The following NUFIP1 variants were observed in gnomAD, a reference collection of about 807,000 sequenced individuals.
NUFIP1 encodes the protein nuclear FMR1 interacting protein 1, also known as FMR1-interacting protein NUFIP1.
In NUFIP1, 38 loss-of-function variants were observed where a neutral mutation model predicts 56.2. The ratio of observed to expected loss-of-function variants is 0.68; its 90% CI spans 0.52 to 0.89. The LOEUF is 0.89. Ranked by LOEUF, NUFIP1 falls within the 40% of genes least tolerant of loss-of-function variation. The pLI, the probability that NUFIP1 is intolerant of heterozygous loss-of-function variation, is 0.00. For synonymous variants in NUFIP1, 215 were observed against 212.4 expected (o/e 1.01, Z -0.10); for missense variants, 567 against 605.8 (o/e 0.94, Z 0.67).
chr13:44,974,325 G>A (rs1002611136), intron 5 of NUFIP1, among the ~76,000 whole-genome samples: 2 of 152,178 alleles, frequency 1.3e-5, no homozygotes, highest in Non-Finnish European at 1.5e-5. Flanking sequence ...CTGAGATATC[G>A]ACAAGAGCAG....
chr13:44,945,773 C>A (rs1870884520), intron 8 of NUFIP1, among the ~76,000 whole-genome samples: 1 of 152,006 alleles, frequency 6.6e-6, no homozygotes, highest in Non-Finnish European at 1.5e-5. Flanking sequence ...TCTCCCCACT[C>A]CCCAATAGTT....
intron 7 of NUFIP1, among the ~76,000 whole-genome samples, chr13:44,951,707 G>GT (rs1871089068): frequency 6.6e-6 from 1 of 152,198 alleles, no homozygotes; most frequent in African/African-American, 2.4e-5. Flanking sequence ...TGGCAATAAA[G>GT]TAAGTCACAC....
At chr13:44,952,307 T>C (rs375377895) in intron 7 of NUFIP1, among the ~76,000 whole-genome samples, 1 of 152,176 alleles carries the variant, frequency 6.6e-6, no homozygotes, top group African/African-American at 2.4e-5. Context: ...GTATTTTTAG[T>C]AGAGACGGAG....
chr13:44,954,591 T>C (rs949460952), intron 7 of NUFIP1, among the ~76,000 whole-genome samples: 9 of 152,220 alleles, frequency 5.9e-5, no homozygotes, highest in African/African-American at 1.9e-4. Flanking sequence ...CTGTAACTTA[T>C]TTCTTTACTT....
At position 44,983,489 on chromosome 13, in the gene NUFIP1, TAAA is replaced by T. The variant is rs1157611321; in HGVS notation, c.413-1338_413-1336del. ...ACCGCACCCAGCCCCCCGTCTCAAA[TAAA>T]AAAAAAAAAAAAGTTGAGGGAGGGG... On this transcript the variant is annotated intron_variant, in intron 1 of 9. Transcript: ENST00000379161. Among the ~76,000 whole-genome samples, 3 of 112,086 alleles carry T rather than the reference TAAA, an allele frequency of 2.7e-5. No homozygotes were observed. The South Asian group carries it at 8.9e-4, about 33-fold the overall frequency. The allele number at this position is 112,086 out of a possible 152,430, so 73.5% of individuals were successfully genotyped here.
intron 5 of NUFIP1, among the ~76,000 whole-genome samples, chr13:44,966,445 G>A (rs1871604942): frequency 6.6e-6 from 1 of 152,002 alleles, no homozygotes; most frequent in Non-Finnish European, 1.5e-5. Context: ...CTCCCAAGTA[G>A]CTGGGATTAC....
Position 44,939,434 on chromosome 13 carries a change from CAAT to C in NUFIP1, c.*1769_*1771del. 6.6e-6 allele frequency: 1 copy of C among 152,122 alleles called. No individual in the cohort carries two copies. The highest frequency in any genetic ancestry group is 1.9e-4 in the East Asian group (1 of 5,184). 9.4% of individuals were successfully genotyped at this position (152,122 alleles called of 1,614,324 possible). On this transcript the variant is annotated 3_prime_UTR_variant, in exon 10 of 10. Coordinates refer to ENST00000379161, the MANE Select transcript of NUFIP1 (RefSeq NM_012345.3). Reference sequence around the variant, plus strand: ...ACATTTCAGAAACTGATTAAACGAACAATAAGATAGGAATGTAGAAGGCAGAAA... The same window carrying C: ...ACATTTCAGAAACTGATTAAACGAACAAGATAGGAATGTAGAAGGCAGAAA...
At chr13:44,976,491 G>C (rs1871986763) in intron 5 of NUFIP1, among the ~76,000 whole-genome samples, 1 of 151,974 alleles carries the variant, frequency 6.6e-6, no homozygotes, top group Admixed American at 6.6e-5. Context: ...ACAAGAGGAG[G>C]AGGAAGAAGA....
At chr13:44,962,342 C>A (rs1373268697) in intron 6 of NUFIP1, among the ~76,000 whole-genome samples, 1 of 152,140 alleles carries the variant, frequency 6.6e-6, no homozygotes, top group Non-Finnish European at 1.5e-5. Flanking sequence ...CCAGATTTAT[C>A]ATAAGTTAGG....
intron 2 of NUFIP1, among the ~76,000 whole-genome samples, chr13:44,981,674 G>C (rs569693842): frequency 2.0e-5 from 3 of 152,182 alleles, no homozygotes; most frequent in African/African-American, 7.2e-5. Context: ...AGCCAGGTGT[G>C]GTGGTGCGCA....
chr13:44,967,236 C>A (rs1871635690), intron 5 of NUFIP1, among the ~76,000 whole-genome samples: 1 of 151,706 alleles, frequency 6.6e-6, no homozygotes, highest in Non-Finnish European at 1.5e-5. Flanking sequence ...ACCAAGACTT[C>A]AGAAAGTGAA....
intron 4 of NUFIP1, 66 bp downstream of exon 4, chr13:44,979,824 T>A (rs1872121760): frequency 8.7e-7 from 1 of 1,147,306 alleles, no homozygotes; most frequent in Non-Finnish European, 1.3e-6. Flanking sequence ...AAATAAACAG[T>A]TGTGAAGATA....
intron 5 of NUFIP1, 57 bp from the exon 6 acceptor site, chr13:44,965,993 GC>G: frequency 1.0e-6 from 1 of 976,566 alleles, no homozygotes; most frequent in South Asian, 2.0e-5. Context: ...TTTTAAATAA[GC>G]AATCAAGCAA....
chr13:44,965,733 TC>T (rs1385752491), intron 6 of NUFIP1, 110 bp downstream of exon 6: 4 of 440,144 alleles, frequency 9.1e-6, no homozygotes, highest in African/African-American at 8.3e-5. Context: ...AATAAATTTA[TC>T]TTTTTAAGTA....
At chr13:44,979,062 C>T in intron 5 of NUFIP1, 128 bp downstream of exon 5, 1 of 676,662 alleles carries the variant, frequency 1.5e-6, no homozygotes, top group African/African-American at 1.8e-5. Context: ...CAATAATAGT[C>T]TTACATAATA....
intron 4 of NUFIP1, 59 bp from the exon 5 acceptor site, chr13:44,979,325 TG>T: frequency 7.3e-7 from 1 of 1,371,862 alleles, no homozygotes; most frequent in Non-Finnish European, 1.0e-6. Context: ...TTGACTAACT[TG>T]GAGACTTTGT....
chr13:44,973,576 G>T (rs1871875540), intron 5 of NUFIP1, among the ~76,000 whole-genome samples: 2 of 152,156 alleles, frequency 1.3e-5, no homozygotes, highest in African/African-American at 4.8e-5. Context: ...GTAAAAGTTG[G>T]TTCTTACATT....
intron 4 of NUFIP1, 61 bp from the exon 5 acceptor site, chr13:44,979,327 G>T: frequency 7.4e-7 from 1 of 1,353,600 alleles, no homozygotes; most frequent in Non-Finnish European, 1.0e-6. Flanking sequence ...GACTAACTTG[G>T]AGACTTTGTT....
intron 8 of NUFIP1, among the ~76,000 whole-genome samples, chr13:44,949,363 G>A (rs972106347): frequency 8.0e-5 from 12 of 150,906 alleles, no homozygotes; most frequent in African/African-American, 1.9e-4. Context: ...CACTACGCCC[G>A]GCTAATTTTT....
Sources: gnomAD v4.1 joint callset for allele counts (sites outside exome capture counted in the v4.1 genomes callset) on GRCh38, gnomAD v4.1.1 for gene constraint, MANE v1.5 for transcripts, NCBI Gene and HGNC (gene_info 2026-07-23, HGNC 2026-07-21) for gene names.